The following KCNH8 variants were observed in gnomAD, a reference collection of about 807,000 sequenced individuals.
KCNH8 encodes voltage-gated delayed rectifier potassium channel KCNH8.
In KCNH8, 70 loss-of-function variants were observed where a neutral mutation model predicts 103.6. That is an observed-to-expected ratio of 0.68 (90% CI 0.56 to 0.82). The LOEUF (loss-of-function observed/expected upper bound fraction) is 0.82. Ranked by LOEUF, KCNH8 falls within the 40% of genes least tolerant of loss-of-function variation. The probability of loss-of-function intolerance (pLI) is 0.00; values close to 1 mark genes in which losing one functional copy is unlikely to be tolerated. For synonymous variants in KCNH8, 498 were observed against 489.4 expected (o/e 1.02, Z -0.23); for missense variants, 1,217 against 1,329.9 (o/e 0.92, Z 1.32).
chr3:19,333,943 C>T (rs1183574444), intron 3 of KCNH8, among the ~76,000 whole-genome samples: 2 of 152,018 alleles, frequency 1.3e-5, no homozygotes, highest in Non-Finnish European at 2.9e-5. Context: ...TTTTTTTAAG[C>T]AGCACTTTTG....
intron 3 of KCNH8, among the ~76,000 whole-genome samples, chr3:19,296,865 TA>T (rs953361627): frequency 2.2e-4 from 33 of 147,472 alleles, no homozygotes; most frequent in South Asian, 1.1e-3. Flanking sequence ...ATTTTTTTCT[TA>T]AAAAAAAAAG....
In KCNH8 at chr3:19,429,162, CTTTTTTTTTTTTTTT is replaced by C. The variant is rs575154927; in HGVS notation, c.1178-8990_1178-8976del. Among the ~76,000 whole-genome samples the C allele has an allele frequency of 1.3e-3, 118 of 89,860 alleles. 1 individual carries two copies. Among genetic ancestry groups the C allele is most frequent in the African/African-American group, 5.1e-3 (107 of 21,174 alleles). 59.0% of individuals were successfully genotyped at this position (89,860 alleles called of 152,430 possible). On this transcript the variant is annotated intron_variant, in intron 7 of 15. Coordinates refer to ENST00000328405, the MANE Select transcript of KCNH8 (RefSeq NM_144633.3). ...AAATGCATATGAGTCAGAATCCACT[CTTTTTTTTTTTTTTT>C]TTTTTTTTTTTGGAGACAAGAGTCC...
chr3:19,534,926 G>C lies in KCNH8; in HGVS notation c.*827G>C, dbSNP rs189679547. 107 of 152,256 alleles carry C rather than the reference G, an allele frequency of 7.0e-4. 1 individual carries two copies. Among genetic ancestry groups the C allele is most frequent in the African/African-American group, 2.4e-3 (100 of 41,544 alleles). 9.4% of individuals were successfully genotyped at this position (152,256 alleles called of 1,614,324 possible). A position where few individuals can be genotyped will look rare whatever the true frequency, so the allele number is the denominator to read the frequency against. On this transcript the variant is annotated 3_prime_UTR_variant, in exon 16 of 16. Coordinates refer to ENST00000328405, the MANE Select transcript of KCNH8 (RefSeq NM_144633.3). ...ATTCTCATGCTTCTGGATTATAAAA[G>C]AAAAGTGAAGTCATATTTTGTTAAT...
chr3:19,151,591 C>T (rs1485366907), intron 1 of KCNH8, among the ~76,000 whole-genome samples: 1 of 151,906 alleles, frequency 6.6e-6, no homozygotes, highest in Non-Finnish European at 1.5e-5. Context: ...TCTGAAAATC[C>T]TCCCAGGAAA....
At chr3:19,403,490 A>C (rs1168653568) in intron 7 of KCNH8, among the ~76,000 whole-genome samples, 1 of 150,368 alleles carries the variant, frequency 6.7e-6, no homozygotes, top group Non-Finnish European at 1.5e-5. Context: ...AAATATTTAT[A>C]ATTTTATTGT....
At chr3:19,200,707 A>G (rs114774411) in intron 1 of KCNH8, among the ~76,000 whole-genome samples, 2,975 of 152,134 alleles carry the variant, frequency 0.02, 92 homozygotes, top group African/African-American at 0.066. Flanking sequence ...GTTTATAGCA[A>G]TGGTAGCTTT....
At chr3:19,528,821 T>C (rs926296166) in intron 15 of KCNH8, among the ~76,000 whole-genome samples, 1 of 152,152 alleles carries the variant, frequency 6.6e-6, no homozygotes, top group Non-Finnish European at 1.5e-5. Context: ...ATTCTAGGCA[T>C]TGCCTTGAGA....
intron 5 of KCNH8, among the ~76,000 whole-genome samples, chr3:19,356,844 T>C (rs2065887637): frequency 6.6e-6 from 1 of 151,930 alleles, no homozygotes; most frequent in Admixed American, 6.6e-5. Flanking sequence ...CTTTTCTTTA[T>C]TTATGGCAAT....
chr3:19,434,687 A>G (rs1470576460), intron 7 of KCNH8, among the ~76,000 whole-genome samples: 1 of 152,180 alleles, frequency 6.6e-6, no homozygotes. Flanking sequence ...GGGGGAAACA[A>G]ATGTTAGTAA....
chr3:19,303,802 A>G (rs2065094746), intron 3 of KCNH8, among the ~76,000 whole-genome samples: 1 of 152,234 alleles, frequency 6.6e-6, no homozygotes, highest in Middle Eastern at 3.4e-3. Context: ...CTCACACTGA[A>G]CAATCATTGT....
At chr3:19,246,274 G>GTTTTTTTTTTTTTTTTTTTTTT (rs920423108) in intron 1 of KCNH8, among the ~76,000 whole-genome samples, 1 of 86,350 alleles carries the variant, frequency 1.2e-5, no homozygotes, top group Non-Finnish European at 2.2e-5. Context: ...TGTTGTTGTT[G>GTTTTTTTTTTTTTTTTTTTTTT]TTTTTTTTTT....
At chr3:19,503,836 A>T (rs2125236073) in intron 11 of KCNH8, among the ~76,000 whole-genome samples, 1 of 152,016 alleles carries the variant, frequency 6.6e-6, no homozygotes, top group Admixed American at 6.6e-5. Flanking sequence ...CTAGATGACG[A>T]GTTAGTGGGT....
chr3:19,176,366 T>A (rs1214515163), intron 1 of KCNH8, among the ~76,000 whole-genome samples: 1 of 152,184 alleles, frequency 6.6e-6, no homozygotes, highest in African/African-American at 2.4e-5. Flanking sequence ...TCTATAAACA[T>A]GAGGTAGAGT....
chr3:19,489,331 G>T lies in KCNH8; in HGVS notation c.2041-21032G>T, dbSNP rs555646883. ...TGAATTCCCTCGGTGGGTGGAGCGA[G>T]AACCTTCCTTAACTAACTGTCCCTT... On this transcript the variant is annotated intron_variant, in intron 11 of 15. Coordinates refer to ENST00000328405, the MANE Select transcript of KCNH8 (RefSeq NM_144633.3). Among the ~76,000 whole-genome samples the T allele has an allele frequency of 1.3e-3, 202 of 152,180 alleles. 1 individual carries two copies. Among genetic ancestry groups the T allele is most frequent in the African/African-American group, 4.7e-3 (196 of 41,506 alleles).
chr3:19,200,117 T>G (rs1575431164), intron 1 of KCNH8, among the ~76,000 whole-genome samples: 1 of 152,070 alleles, frequency 6.6e-6, no homozygotes, highest in African/African-American at 2.4e-5. Context: ...ATTTGATTTT[T>G]ATGTGATTAA....
intron 11 of KCNH8, among the ~76,000 whole-genome samples, chr3:19,464,632 AAAAG>A (rs2067699017): frequency 6.6e-6 from 1 of 152,122 alleles, no homozygotes; most frequent in South Asian, 2.1e-4. Flanking sequence ...ATATATTTGA[AAAAG>A]AAAGAATATC....
At chr3:19,427,939 A>G (rs2067053780) in intron 7 of KCNH8, among the ~76,000 whole-genome samples, 2 of 152,204 alleles carry the variant, frequency 1.3e-5, no homozygotes, top group Admixed American at 6.5e-5. Flanking sequence ...AGCTATTTCT[A>G]TGAAAGAGAT....
intron 1 of KCNH8, among the ~76,000 whole-genome samples, chr3:19,157,172 T>C (rs2063189409): frequency 1.3e-5 from 2 of 152,100 alleles, no homozygotes; most frequent in Admixed American, 6.6e-5. Flanking sequence ...CAGATTTTAT[T>C]GAAATGCCAA....
intron 8 of KCNH8, among the ~76,000 whole-genome samples, chr3:19,444,247 C>A (rs2067328923): frequency 6.6e-6 from 1 of 152,044 alleles, no homozygotes; most frequent in African/African-American, 2.4e-5. Context: ...GTTGTCACTT[C>A]ATTTGTGATA....
Sources: gnomAD v4.1 joint callset for allele counts (sites outside exome capture counted in the v4.1 genomes callset) on GRCh38, gnomAD v4.1.1 for gene constraint, MANE v1.5 for transcripts, NCBI Gene and HGNC (gene_info 2026-07-23, HGNC 2026-07-21) for gene names.